TBC1D5: variants seen among roughly 807,000 people sequenced by gnomAD.
TBC1D5 encodes TBC1 domain family, member 5.
A neutral mutation model predicts 100.3 loss-of-function variants in TBC1D5; 75 were observed. That is an observed-to-expected ratio of 0.75 (90% CI 0.62 to 0.91). The LOEUF is 0.91. Ranked by LOEUF, TBC1D5 falls within the 40% of genes least tolerant of loss-of-function variation. The pLI is 0.00. For synonymous variants in TBC1D5, 323 were observed against 325.6 expected (o/e 0.99, Z 0.09); for missense variants, 910 against 942.4 (o/e 0.97, Z 0.45).
chr3:17,591,267 CAAAAA>C (rs1560228314), intron 2 of TBC1D5, among the ~76,000 whole-genome samples: 38 of 78,350 alleles, frequency 4.9e-4, no homozygotes, highest in African/African-American at 1.8e-3. Context: ...AAAAAAAAAA[CAAAAA>C]CCCCAGAGAA....
At chr3:17,712,898 T>C (rs1350623843) in intron 1 of TBC1D5, among the ~76,000 whole-genome samples, 3 of 152,156 alleles carry the variant, frequency 2.0e-5, no homozygotes, top group Non-Finnish European at 4.4e-5. Flanking sequence ...TCACTGGCTA[T>C]ACATACCACT....
Position 17,403,180 on chromosome 3 carries a change from C to T in TBC1D5, c.509+1G>A, listed in dbSNP as rs759583657. On this transcript the variant is annotated splice_donor_variant, in intron 8 of 21. Coordinates refer to ENST00000253692, the Ensembl canonical transcript of TBC1D5. LOFTEE classifies it high-confidence loss of function. ...AGTAACATGTAAATAGTTCTACATACGTTCTTTTGACATCTTGTTCAATCA... is the reference window on the plus strand; with the variant it reads ...AGTAACATGTAAATAGTTCTACATATGTTCTTTTGACATCTTGTTCAATCA... 1.9e-6 allele frequency: 3 copies of T among 1,580,342 alleles called. No homozygotes were observed. The highest frequency in any genetic ancestry group is 2.6e-6 in the Non-Finnish European group (3 of 1,159,476).
At chr3:17,676,429 G>A (rs1443260930) in intron 1 of TBC1D5, among the ~76,000 whole-genome samples, 1 of 152,072 alleles carries the variant, frequency 6.6e-6, no homozygotes, top group African/African-American at 2.4e-5. Flanking sequence ...AAATACCTAG[G>A]AATCCAACTT....
chr3:17,320,990 A>C (rs1169430583), intron 13 of TBC1D5, among the ~76,000 whole-genome samples: 1 of 152,220 alleles, frequency 6.6e-6, no homozygotes, highest in Admixed American at 6.5e-5. Flanking sequence ...TAAGATAGGA[A>C]GCACTCCTGG....
intron 18 of TBC1D5, among the ~76,000 whole-genome samples, chr3:17,206,223 A>G (rs534536057): frequency 4.6e-4 from 70 of 152,266 alleles, no homozygotes; most frequent in African/African-American, 1.6e-3. Context: ...GTGGTCTGTC[A>G]TCTAACACCA....
Position 17,439,151 on chromosome 3 carries a change from T to A in TBC1D5, c.98-10632A>T, listed in dbSNP as rs151314023. Among the ~76,000 whole-genome samples the A allele has an allele frequency of 3.9e-4, 60 of 152,278 alleles. No homozygotes were observed. In the Middle Eastern group the frequency reaches 0.01, roughly 26 times the overall value. On this transcript the variant is annotated intron_variant, in intron 3 of 21. Coordinates refer to ENST00000253692, the Ensembl canonical transcript of TBC1D5. ...ACTGGTGATTACAATCAGTGCTAGA[T>A]CCCTCAAGGTTGAACATCTAGTGGA... is the stretch of plus-strand genomic sequence containing the variant.
At chr3:17,669,009 C>T (rs192129514) in intron 1 of TBC1D5, among the ~76,000 whole-genome samples, 7 of 152,212 alleles carry the variant, frequency 4.6e-5, no homozygotes, top group African/African-American at 9.6e-5. Flanking sequence ...GGTTCTGTGT[C>T]CCCACCCAAA....
At chr3:17,664,392 C>T (rs1006730754) in intron 1 of TBC1D5, among the ~76,000 whole-genome samples, 2 of 152,042 alleles carry the variant, frequency 1.3e-5, no homozygotes, top group Admixed American at 1.3e-4. Flanking sequence ...TTAGAGATAC[C>T]TAATATAATG....
intron 2 of TBC1D5, among the ~76,000 whole-genome samples, chr3:17,510,592 A>G (rs953658774): frequency 1.3e-5 from 2 of 152,018 alleles, no homozygotes; most frequent in Non-Finnish European, 2.9e-5. Context: ...CTAGTAGAGG[A>G]CAGCGAAATG....
intron 15 of TBC1D5, among the ~76,000 whole-genome samples, chr3:17,261,154 C>T (rs2078243875): frequency 6.6e-6 from 1 of 152,154 alleles, no homozygotes; most frequent in Non-Finnish European, 1.5e-5. Context: ...TACAGTTCTT[C>T]CAATTTACCT....
At chr3:17,690,658 T>C (rs2071011729) in intron 1 of TBC1D5, among the ~76,000 whole-genome samples, 1 of 152,334 alleles carries the variant, frequency 6.6e-6, no homozygotes, top group South Asian at 2.1e-4. Context: ...AGCAGTGGCA[T>C]TAGATTCTCA....
intron 3 of TBC1D5, among the ~76,000 whole-genome samples, chr3:17,431,937 T>C (rs879319912): frequency 1.3e-5 from 2 of 152,138 alleles, no homozygotes; most frequent in Admixed American, 6.5e-5. Flanking sequence ...TAGATTTCTG[T>C]AGTATTTTTT....
chr3:17,541,328 T>C (rs1197823770), intron 2 of TBC1D5, among the ~76,000 whole-genome samples: 2 of 152,176 alleles, frequency 1.3e-5, no homozygotes, highest in Non-Finnish European at 2.9e-5. Flanking sequence ...TCCACTTATT[T>C]ATGTCTTTAA....
chr3:17,628,420 A>C (rs1277932682), intron 1 of TBC1D5, among the ~76,000 whole-genome samples: 1 of 151,924 alleles, frequency 6.6e-6, no homozygotes, highest in Non-Finnish European at 1.5e-5. Context: ...TAGAGCCCAC[A>C]GAAGAACATA....
intron 16 of TBC1D5, among the ~76,000 whole-genome samples, chr3:17,245,623 C>T (rs141874319): frequency 3.3e-5 from 5 of 152,178 alleles, no homozygotes; most frequent in African/African-American, 9.6e-5. Context: ...ATGGGGCTTA[C>T]GTAATTGGGG....
chr3:17,549,010 A>G (rs892297493), intron 2 of TBC1D5, among the ~76,000 whole-genome samples: 7 of 152,200 alleles, frequency 4.6e-5, no homozygotes, highest in Non-Finnish European at 8.8e-5. Flanking sequence ...TAAATTATCA[A>G]GTGGTGGCCA....
At chr3:17,610,742 C>T (rs549070706) in intron 2 of TBC1D5, among the ~76,000 whole-genome samples, 7 of 152,178 alleles carry the variant, frequency 4.6e-5, no homozygotes, top group South Asian at 2.1e-4. Context: ...TTGGGCCGGA[C>T]GTGGAGGCTA....
intron 3 of TBC1D5, among the ~76,000 whole-genome samples, chr3:17,462,789 C>G (rs1056703711): frequency 6.6e-6 from 1 of 152,088 alleles, no homozygotes; most frequent in Non-Finnish European, 1.5e-5. Flanking sequence ...AATGCAATGC[C>G]AGACAGCATA....
intron 2 of TBC1D5, among the ~76,000 whole-genome samples, chr3:17,560,920 C>CAA (rs1296157794): frequency 9.7e-5 from 13 of 134,540 alleles, no homozygotes; most frequent in African/African-American, 2.7e-4. Context: ...GACTCCATCT[C>CAA]AAAAAAAAAA....
Sources: allele counts gnomAD v4.1 joint callset (sites outside exome capture counted in the v4.1 genomes callset), GRCh38; gene constraint gnomAD v4.1.1; transcripts MANE v1.5; gene names NCBI Gene and HGNC (gene_info 2026-07-23, HGNC 2026-07-21).